MRPL42: variants seen among roughly 807,000 people sequenced by gnomAD.
The protein encoded by MRPL42 is mitochondrial ribosomal protein L42, also known as large ribosomal subunit protein mL42.
MRPL42 carries 17 observed loss-of-function variants against 17.9 expected under a neutral mutation model. The observed-to-expected ratio is 0.95, with a 90% confidence interval of 0.65 to 1.42. The LOEUF (loss-of-function observed/expected upper bound fraction) is 1.42. Ranked by LOEUF, MRPL42 falls within the 40% of genes most tolerant of loss-of-function variation. The pLI is 0.00. For missense variants in MRPL42, 177 were observed against 175.2 expected (o/e 1.01, Z -0.06); for synonymous variants, 59 against 54.4 (o/e 1.08, Z -0.37).
At chr12:93,497,462 A>G (rs1286113776) in intron 5 of MRPL42, among the ~76,000 whole-genome samples, 1 of 152,248 alleles carries the variant, frequency 6.6e-6, no homozygotes, top group African/African-American at 2.4e-5. Context: ...TCATATAAAC[A>G]GAATTAAAAA....
At chr12:93,469,161 T>A (rs1879778194) in intron 1 of MRPL42, 31 bp from the exon 2 acceptor site, 4 of 657,886 alleles carry the variant, frequency 6.1e-6, no homozygotes, top group Non-Finnish European at 7.7e-6. Context: ...TTACCATAGG[T>A]AGCACTGATT....
rs1430066996 is a variant in MRPL42 at position 93,508,385 on chromosome 12, T to C, written c.*7164T>C. On this transcript the variant is annotated 3_prime_UTR_variant, in exon 6 of 6. Transcript: ENST00000549982. ...GATTGAGGCTGTAGTGAGCCATGAT[T>C]GTGCCACTGCACTCTAGGCTGGGCA... is the stretch of plus-strand genomic sequence containing the variant. The C allele has an allele frequency of 6.5e-6, 1 of 152,752 alleles. No homozygotes were observed. The highest frequency in any genetic ancestry group is 1.5e-5 in the Non-Finnish European group (1 of 68,504). The allele number at this position is 152,752 out of a possible 1,614,324, so 9.5% of individuals were successfully genotyped here.
At chr12:93,470,802 A>G (rs1879874400) in intron 2 of MRPL42, among the ~76,000 whole-genome samples, 1 of 152,234 alleles carries the variant, frequency 6.6e-6, no homozygotes, top group South Asian at 2.1e-4. Context: ...TATTTGTTTT[A>G]ATGTCTGTGT....
chr12:93,500,373 C>T (rs1953566586), intron 5 of MRPL42, among the ~76,000 whole-genome samples: 1 of 152,174 alleles, frequency 6.6e-6, no homozygotes, highest in Admixed American at 6.5e-5. Flanking sequence ...AGTCGGGTCT[C>T]ATACTGCTAA....
rs1186111665 is a variant in MRPL42 at position 93,501,734 on chromosome 12, C to A, written c.*513C>A. 1 of 152,108 alleles carries A rather than the reference C, an allele frequency of 6.6e-6. No homozygotes were observed. Among genetic ancestry groups the A allele is most frequent in the African/African-American group, 2.4e-5 (1 of 41,420 alleles). 9.4% of individuals were successfully genotyped at this position (152,108 alleles called of 1,614,324 possible). A position where few individuals can be genotyped will look rare whatever the true frequency, so the allele number is the denominator to read the frequency against. ...TGATTTAAGTATTTTTAATCATCAG[C>A]CAAGCATTGTTAGTAGTATAAATAT... On this transcript the variant is annotated 3_prime_UTR_variant, in exon 6 of 6. Coordinates refer to ENST00000549982, the MANE Select transcript of MRPL42 (RefSeq NM_014050.4).
chr12:93,498,185 G>A (rs1953540369), intron 5 of MRPL42, among the ~76,000 whole-genome samples: 1 of 1,492 alleles, frequency 6.7e-4, no homozygotes, highest in Non-Finnish European at 1.9e-3. Flanking sequence ...ATCTTGTTTT[G>A]TGTACTACAG....
At chr12:93,496,937 A>G (rs1283675800) in intron 5 of MRPL42, among the ~76,000 whole-genome samples, 2 of 152,128 alleles carry the variant, frequency 1.3e-5, no homozygotes, top group Non-Finnish European at 2.9e-5. Context: ...GACTATTATT[A>G]GGAACACTTC....
rs539760089 is a variant in MRPL42 at position 93,506,107 on chromosome 12, C to G, written c.*4886C>G. On this transcript the variant is annotated 3_prime_UTR_variant, in exon 6 of 6. Coordinates refer to ENST00000549982, the MANE Select transcript of MRPL42 (RefSeq NM_014050.4). ...ATGCCTGGCTGATTTTTTGTATTTT[C>G]AGTAGAGATGGGGTTTCACCACGTT... 1 of 151,074 alleles carries G rather than the reference C, an allele frequency of 6.6e-6. No homozygotes were observed. Among genetic ancestry groups the G allele is most frequent in the Non-Finnish European group, 1.5e-5 (1 of 67,792 alleles). 9.4% of individuals were successfully genotyped at this position (151,074 alleles called of 1,614,324 possible).
chr12:93,494,346 A>G (rs1359648291), intron 5 of MRPL42, among the ~76,000 whole-genome samples: 1 of 152,234 alleles, frequency 6.6e-6, no homozygotes, highest in South Asian at 2.1e-4. Flanking sequence ...GATGATTTGG[A>G]CTAGGATAGC....
At chr12:93,475,239 C>T (rs760641399) in intron 2 of MRPL42, among the ~76,000 whole-genome samples, 6 of 151,758 alleles carry the variant, frequency 4.0e-5, no homozygotes, top group Non-Finnish European at 8.8e-5. Flanking sequence ...CTTAGCCTCC[C>T]GAGTAGCTGG....
chr12:93,487,502 C>T lies in MRPL42; in HGVS notation c.225C>T (p.Ile75=), dbSNP rs1453367703. The T allele has an allele frequency of 1.9e-6, 3 of 1,609,558 alleles. No individual in the cohort carries two copies. Among genetic ancestry groups the T allele is most frequent in the Non-Finnish European group, 2.5e-6 (3 of 1,178,650 alleles). ...VDIPYEHTKP[I]PRPDPVHNNE... Reference sequence around the variant, plus strand: ...TGTTACTGATTATTTTGTAGCCTATCCCTCGGCCAGATCCTGTGCATAATA... The same window carrying T: ...TGTTACTGATTATTTTGTAGCCTATTCCTCGGCCAGATCCTGTGCATAATA... The change falls in exon 5 of 6, where the codon ATC becomes ATT. Residue 75 remains isoleucine (I), a synonymous_variant. Coordinates refer to ENST00000549982, the MANE Select transcript of MRPL42 (RefSeq NM_014050.4).
chr12:93,507,610 A>G lies in MRPL42; in HGVS notation c.*6389A>G, dbSNP rs1257971542. On this transcript the variant is annotated 3_prime_UTR_variant, in exon 6 of 6. Transcript: ENST00000549982. ...GTTTGCGTTCTTCCAGGTAATTCTT[A>G]TAGTCTGGATCCAGCTCAGCTTATC... The G allele has an allele frequency of 6.6e-6, 1 of 152,170 alleles. No individual in the cohort carries two copies. Among genetic ancestry groups the G allele is most frequent in the Non-Finnish European group, 1.5e-5 (1 of 68,044 alleles). 9.4% of individuals were successfully genotyped at this position (152,170 alleles called of 1,614,324 possible).
At position 93,510,933 on chromosome 12, in the gene MRPL42, G is replaced by A. The variant is rs1953720195; in HGVS notation, c.*9712G>A. 1 of 152,186 alleles carries A rather than the reference G, an allele frequency of 6.6e-6. No homozygotes were observed. Among genetic ancestry groups the A allele is most frequent in the African/African-American group, 2.4e-5 (1 of 41,442 alleles). The allele number at this position is 152,186 out of a possible 1,614,324, so 9.4% of individuals were successfully genotyped here. ...GGCAGGGAATGCAATCGATGTGAAG[G>A]TTTGGGGTAATTTGTTTCATTTATC... On this transcript the variant is annotated 3_prime_UTR_variant, in exon 6 of 6. Coordinates refer to ENST00000549982, the MANE Select transcript of MRPL42 (RefSeq NM_014050.4).
rs1953744131 is a variant in MRPL42 at position 93,513,412 on chromosome 12, C to T, written c.*12191C>T. On this transcript the variant is annotated 3_prime_UTR_variant, in exon 6 of 6. Transcript: ENST00000549982. ...GTGTTACCCAGGTTGGTATCAAACT[C>T]CTGGTCTCAAGTGATCCTCCCATCT... 1 of 151,994 alleles carries T rather than the reference C, an allele frequency of 6.6e-6. No individual in the cohort carries two copies. The highest frequency in any genetic ancestry group is 1.5e-5 in the Non-Finnish European group (1 of 68,002). 9.4% of individuals were successfully genotyped at this position (151,994 alleles called of 1,614,324 possible).
At chr12:93,484,975 C>CATATATATATATATAT (rs1565813718) in intron 4 of MRPL42, among the ~76,000 whole-genome samples, 28 of 23,168 alleles carry the variant, frequency 1.2e-3, no homozygotes, top group Non-Finnish European at 2.2e-3. Context: ...CACACACACA[C>CATATATATATATATAT]ACACATATAT....
At chr12:93,484,979 CATATAT>C (rs4020795) in intron 4 of MRPL42, among the ~76,000 whole-genome samples, 572 of 22,426 alleles carry the variant, frequency 0.026, 18 homozygotes, top group Middle Eastern at 0.079. Context: ...CACACACACA[CATATAT>C]ATATATATAT....
At chr12:93,487,697 T>C in intron 5 of MRPL42, 37 bp downstream of exon 5, 5 of 1,508,696 alleles carry the variant, frequency 3.3e-6, no homozygotes, top group Non-Finnish European at 4.5e-6. Flanking sequence ...CCCTACTACA[T>C]ACAGTAAAGG....
rs915523785 is a variant in MRPL42, at chr12:93,506,570, T to G, written c.*5349T>G. The stretch of plus-strand genomic sequence containing the variant: ...ATGAGCCACCACGCCCGGCCAAGAA[T>G]GTCTTTTCTTTATAATGTTGTCTCT... On this transcript the variant is annotated 3_prime_UTR_variant, in exon 6 of 6. Coordinates refer to ENST00000549982, the MANE Select transcript of MRPL42 (RefSeq NM_014050.4). The G allele has an allele frequency of 6.6e-6, 1 of 152,160 alleles. No homozygotes were observed. The highest frequency in any genetic ancestry group is 2.4e-5 in the African/African-American group (1 of 41,416). 9.4% of individuals were successfully genotyped at this position (152,160 alleles called of 1,614,324 possible). A position where few individuals can be genotyped will look rare whatever the true frequency, so the allele number is the denominator to read the frequency against.
At chr12:93,474,830 C>G (rs1025945125) in intron 2 of MRPL42, among the ~76,000 whole-genome samples, 1 of 150,148 alleles carries the variant, frequency 6.7e-6, no homozygotes, top group Non-Finnish European at 1.5e-5. Context: ...GTGGCTCACA[C>G]TGGTAATCCC....
Sources: allele counts gnomAD v4.1 joint callset (sites outside exome capture counted in the v4.1 genomes callset), GRCh38; gene constraint gnomAD v4.1.1; transcripts MANE v1.5; gene names NCBI Gene and HGNC (gene_info 2026-07-23, HGNC 2026-07-21).